CUX1: variants seen among roughly 807,000 people sequenced by gnomAD.
CUX1 encodes the protein cut like homeobox 1.
A neutral mutation model predicts 158.8 loss-of-function variants in CUX1; 31 were observed. The observed-to-expected ratio is 0.20, with a 90% confidence interval of 0.15 to 0.26. CUX1 has a LOEUF of 0.26. Ranked by LOEUF, CUX1 falls within the 10% of genes least tolerant of loss-of-function variation. The probability of loss-of-function intolerance (pLI) is 1.00; values close to 1 mark genes in which losing one functional copy is unlikely to be tolerated. For missense variants in CUX1, 1,589 were observed against 2,014.6 expected, an observed-to-expected ratio of 0.79 and a Z score of 4.04; for synonymous variants, 879 against 862.1, an observed-to-expected ratio of 1.02 and a Z score of -0.34.
chr7:102,110,356 G>A (rs143692535), intron 6 of CUX1, among the ~76,000 whole-genome samples: 4 of 149,532 alleles, frequency 2.7e-5, no homozygotes, highest in African/African-American at 7.5e-5. Context: ...ATATTAAGCC[G>A]TAGTATATTA....
chr7:102,220,850 A>G (rs1484399574), intron 20 of CUX1, among the ~76,000 whole-genome samples: 1 of 152,118 alleles, frequency 6.6e-6, no homozygotes, highest in African/African-American at 2.4e-5. Flanking sequence ...AGCTGGGACT[A>G]CAGACATATG....
intron 2 of CUX1, among the ~76,000 whole-genome samples, chr7:102,016,519 T>C (rs1033709369): frequency 1.3e-5 from 2 of 152,186 alleles, no homozygotes; most frequent in African/African-American, 4.8e-5. Flanking sequence ...CAAAAAATAA[T>C]GGTACTCCAA....
downstream of CUX1, among the ~76,000 whole-genome samples, chr7:102,260,496 G>A (rs919352482): frequency 4.8e-5 from 7 of 144,536 alleles, no homozygotes; most frequent in African/African-American, 7.7e-5. Context: ...AACCTCCACC[G>A]CCTGGGTTCA....
intron 5 of CUX1, among the ~76,000 whole-genome samples, chr7:102,103,074 T>C (rs1302702937): frequency 1.3e-5 from 2 of 152,154 alleles, no homozygotes; most frequent in Admixed American, 6.5e-5. Flanking sequence ...ACCAGAGCCG[T>C]CTGGACCTGC....
chr7:102,053,796 T>C (rs1444942149), intron 3 of CUX1, among the ~76,000 whole-genome samples: 1 of 150,804 alleles, frequency 6.6e-6, no homozygotes, highest in Admixed American at 6.6e-5. Flanking sequence ...GTGGGTTGTC[T>C]TCTCACTTTT....
chr7:102,014,577 C>T lies in CUX1; in HGVS notation c.142-13521C>T, dbSNP rs1421706992. 2.0e-5 allele frequency among the ~76,000 whole-genome samples: 3 copies of T among 152,166 alleles called. No individual in the cohort carries two copies. The East Asian group carries it at 5.8e-4, about 29-fold the overall frequency. ...GCTTCCTAGCCGCGTGCTGCTCTGC[C>T]ATCGGGGATGCTAAAGTCGGGGAGG... On this transcript the variant is annotated intron_variant, in intron 2 of 23. Transcript: ENST00000292535.
At position 101,896,068 on chromosome 7, in the gene CUX1, T is replaced by C. The variant is rs543102695; in HGVS notation, c.31-20047T>C. ...CACTTGGCGTATTTATTTATTTATT[T>C]ATTATTTTTTCGAAGAGACAGGGTC... On this transcript the variant is annotated intron_variant, in intron 1 of 23. Coordinates refer to ENST00000292535, the MANE Select transcript of CUX1 (RefSeq NM_181552.4). Among the ~76,000 whole-genome samples the C allele has an allele frequency of 1.7e-4, 26 of 151,998 alleles. No individual in the cohort carries two copies. The Middle Eastern group carries it at 0.01, about 60-fold the overall frequency.
intron 8 of CUX1, among the ~76,000 whole-genome samples, chr7:102,133,949 A>T (rs1833620714): frequency 6.6e-6 from 1 of 152,192 alleles, no homozygotes; most frequent in Non-Finnish European, 1.5e-5. Context: ...CGCTGTTTGG[A>T]TTCATCACTA....
In CUX1 at chr7:101,877,051, A is replaced by G. The variant is rs796832250; in HGVS notation, c.31-39064A>G. ...GATTATTTTCTTAGGTTAAATTTCT[A>G]AAAGTAGAAGTGAACAGCGTGTGCA... On this transcript the variant is annotated intron_variant, in intron 1 of 23. Coordinates refer to ENST00000292535, the MANE Select transcript of CUX1 (RefSeq NM_181552.4). 1.8e-4 allele frequency among the ~76,000 whole-genome samples: 28 copies of G among 152,334 alleles called. 1 individual carries two copies. Among genetic ancestry groups the G allele is most frequent in the African/African-American group, 6.3e-4 (26 of 41,576 alleles).
chr7:102,126,285 C>T (rs376163635), intron 8 of CUX1, among the ~76,000 whole-genome samples: 79 of 151,922 alleles, frequency 5.2e-4, no homozygotes, highest in Admixed American at 1.5e-3. Context: ...GTGATCCACC[C>T]GCCTCGGCCT....
chr7:101,860,735 C>CCCTTCCTTCCTTCCGTCCTT (rs1554397500), intron 1 of CUX1, among the ~76,000 whole-genome samples: 1 of 90,442 alleles, frequency 1.1e-5, no homozygotes, highest in Admixed American at 1.3e-4. Flanking sequence ...TCCCCTTCCT[C>CCCTTCCTTCCTTCCGTCCTT]CCTTCCTTCC....
chr7:102,058,141 G>A (rs1363740753), intron 3 of CUX1, among the ~76,000 whole-genome samples: 1 of 152,108 alleles, frequency 6.6e-6, no homozygotes, highest in Admixed American at 6.6e-5. Flanking sequence ...TTTTAATTAA[G>A]ATATGTACAT....
chr7:102,248,335 G>T lies in CUX1; in HGVS notation c.3888-77G>T. 7.5e-7 allele frequency: 1 copy of T among 1,332,774 alleles called. No homozygotes were observed. 82.6% of individuals were successfully genotyped at this position (1,332,774 alleles called of 1,614,324 possible). A position where few individuals can be genotyped will look rare whatever the true frequency, so the allele number is the denominator to read the frequency against. Reference sequence around the variant, plus strand: ...ACGGAGCAGGAGCCCCAGAGAGAGGGGTCTGGCTGGGGTAGCACCAGAGGC... The same window carrying T: ...ACGGAGCAGGAGCCCCAGAGAGAGGTGTCTGGCTGGGGTAGCACCAGAGGC... On this transcript the variant is annotated intron_variant, in intron 23 of 23. Coordinates refer to ENST00000292535, the MANE Select transcript of CUX1 (RefSeq NM_181552.4). This position sits in a 1 kb window ranked among gnomAD's most constrained non-coding sequence, Gnocchi z 5.8.
intron 2 of CUX1, among the ~76,000 whole-genome samples, chr7:101,992,595 C>T (rs970643064): frequency 6.6e-6 from 1 of 152,178 alleles, no homozygotes; most frequent in Non-Finnish European, 1.5e-5. Context: ...AAACATCCTT[C>T]CCAATCAGCC....
chr7:101,904,829 A>G (rs978577419), intron 1 of CUX1, among the ~76,000 whole-genome samples: 7 of 152,176 alleles, frequency 4.6e-5, no homozygotes, highest in Non-Finnish European at 8.8e-5. Context: ...TTGCCCTCCC[A>G]AAGTGCTGGG....
intron 19 of CUX1, 64 bp from the exon 20 acceptor site, chr7:102,205,050 A>T: frequency 8.5e-7 from 1 of 1,181,350 alleles, no homozygotes; most frequent in Non-Finnish European, 1.3e-6. Flanking sequence ...TGCCACATTC[A>T]GTTAGGAAGC....
intron 1 of CUX1, among the ~76,000 whole-genome samples, chr7:101,900,820 A>T (rs1448686300): frequency 6.6e-6 from 1 of 152,184 alleles, no homozygotes; most frequent in Non-Finnish European, 1.5e-5. Flanking sequence ...TATAACTGTG[A>T]TAGCTTTTAA....
At position 101,877,906 on chromosome 7, in the gene CUX1, C is replaced by T. The variant is rs566849199; in HGVS notation, c.31-38209C>T. 5.9e-5 allele frequency among the ~76,000 whole-genome samples: 9 copies of T among 152,146 alleles called. No homozygotes were observed. In the South Asian group the frequency reaches 1.5e-3, roughly 25 times the overall value. Reference sequence around the variant, plus strand: ...GGTTGCTTCCTTGAAGAATGTTGTGCGTACACCGTTTGACACAGGTGCAAG... The same window carrying T: ...GGTTGCTTCCTTGAAGAATGTTGTGTGTACACCGTTTGACACAGGTGCAAG... On this transcript the variant is annotated intron_variant, in intron 1 of 23. Transcript: ENST00000292535.
chr7:102,180,706 A>T (rs1792947785), intron 11 of CUX1, among the ~76,000 whole-genome samples: 1 of 149,968 alleles, frequency 6.7e-6, no homozygotes. Context: ...AGTTTCCAGC[A>T]ATCTATTGCC....
Sources: gnomAD v4.1 joint callset for allele counts (sites outside exome capture counted in the v4.1 genomes callset) on GRCh38, gnomAD v4.1.1 for gene constraint, Gnocchi (gnomAD v3.1) non-coding constraint, MANE v1.5 for transcripts, NCBI Gene and HGNC (gene_info 2026-07-23, HGNC 2026-07-21) for gene names.